Variants in DLC1 observed in about 807,000 individuals in gnomAD.
The protein encoded by DLC1 is rho GTPase-activating protein 7.
In DLC1, 54 loss-of-function variants were observed where a neutral mutation model predicts 140.3. The observed-to-expected ratio is 0.38, with a 90% confidence interval of 0.31 to 0.48. The LOEUF is 0.48. DLC1 is among the 20% of genes least tolerant of loss of function. The probability of loss-of-function intolerance (pLI) is 0.96; values close to 1 mark genes in which losing one functional copy is unlikely to be tolerated. For missense variants in DLC1, 2,536 were observed against 1,907.0 expected, an observed-to-expected ratio of 1.33 and a Z score of -6.14; for synonymous variants, 986 against 728.1, an observed-to-expected ratio of 1.35 and a Z score of -5.70.
At chr8:13,514,062 A>G (rs1405618629) in intron 1 of DLC1, among the ~76,000 whole-genome samples, 1 of 152,014 alleles carries the variant, frequency 6.6e-6, no homozygotes, top group Non-Finnish European at 1.5e-5. Flanking sequence ...GAACCTTTTA[A>G]GCTGTACAGG....
chr8:13,139,139 A>G (rs1281296331), intron 5 of DLC1, among the ~76,000 whole-genome samples: 1 of 151,728 alleles, frequency 6.6e-6, no homozygotes, highest in Non-Finnish European at 1.5e-5. Context: ...AAAATAAAAA[A>G]ACAATTAGCT....
chr8:13,162,090 T>C (rs1415992490), intron 5 of DLC1, among the ~76,000 whole-genome samples: 2 of 152,228 alleles, frequency 1.3e-5, no homozygotes, highest in African/African-American at 2.4e-5. Context: ...TAAGAATTTA[T>C]AGCAGAAAGG....
At chr8:13,542,923 T>G (rs914454360) in intron 1 of DLC1, among the ~76,000 whole-genome samples, 1 of 152,160 alleles carries the variant, frequency 6.6e-6, no homozygotes. Flanking sequence ...GAAGATAGTT[T>G]TATTTCAGTA....
chr8:13,331,161 G>A (rs1450529428), intron 4 of DLC1, among the ~76,000 whole-genome samples: 1 of 152,152 alleles, frequency 6.6e-6, no homozygotes, highest in Non-Finnish European at 1.5e-5. Context: ...GTTTTACTGG[G>A]ACACTATACA....
intron 1 of DLC1, among the ~76,000 whole-genome samples, chr8:13,604,380 C>T (rs955512648): frequency 2.0e-5 from 3 of 152,130 alleles, no homozygotes; most frequent in Non-Finnish European, 2.9e-5. Context: ...TATTTAGTCA[C>T]AGACATTTTT....
chr8:13,250,377 T>A (rs1310165239), intron 5 of DLC1, among the ~76,000 whole-genome samples: 2 of 152,162 alleles, frequency 1.3e-5, no homozygotes, highest in African/African-American at 4.8e-5. Flanking sequence ...ACAGTATCAT[T>A]TCTTCACTCC....
rs1379351977 is a variant in DLC1 at position 13,084,425 on chromosome 8, C to A, written c.*1386G>T. ...ACATTATTCACTTTTGATCCATACACAATAAATTTACTAATACTGTCTCTT... is the reference window on the plus strand; with the variant it reads ...ACATTATTCACTTTTGATCCATACAAAATAAATTTACTAATACTGTCTCTT... On this transcript the variant is annotated 3_prime_UTR_variant, in exon 18 of 18. Transcript: ENST00000276297. The A allele has an allele frequency of 2.0e-5, 3 of 152,528 alleles. No individual in the cohort carries two copies. The highest frequency in any genetic ancestry group is 4.8e-5 in the African/African-American group (2 of 41,406). The allele number at this position is 152,528 out of a possible 1,614,324, so 9.4% of individuals were successfully genotyped here.
At chr8:13,582,719 C>T (rs2117448924) in intron 1 of DLC1, among the ~76,000 whole-genome samples, 1 of 150,920 alleles carries the variant, frequency 6.6e-6, no homozygotes, top group African/African-American at 2.4e-5. Flanking sequence ...TCATTCTGTC[C>T]CTCTAGAGAA....
chr8:13,192,619 A>C (rs1005923813), intron 5 of DLC1, among the ~76,000 whole-genome samples: 1 of 152,154 alleles, frequency 6.6e-6, no homozygotes, highest in Non-Finnish European at 1.5e-5. Flanking sequence ...GAATTGTAGC[A>C]CTCAAAGTTC....
At chr8:13,279,622 A>G (rs993269428) in intron 5 of DLC1, among the ~76,000 whole-genome samples, 4 of 152,182 alleles carry the variant, frequency 2.6e-5, no homozygotes, top group Middle Eastern at 3.2e-3. Flanking sequence ...CATTTCTGAC[A>G]ACTCATTAAG....
intron 2 of DLC1, among the ~76,000 whole-genome samples, chr8:13,480,853 G>C (rs1470792404): frequency 6.6e-6 from 1 of 152,172 alleles, no homozygotes; most frequent in Non-Finnish European, 1.5e-5. Context: ...GCAGTCAGCT[G>C]AGATCACGCC....
At chr8:13,478,922 C>A (rs563860334) in intron 2 of DLC1, among the ~76,000 whole-genome samples, 1 of 152,208 alleles carries the variant, frequency 6.6e-6, no homozygotes, top group Non-Finnish European at 1.5e-5. Flanking sequence ...GGCCTGTTGG[C>A]CTCCTGTTAT....
intron 1 of DLC1, among the ~76,000 whole-genome samples, chr8:13,509,688 G>A (rs1054695537): frequency 2.0e-5 from 3 of 150,794 alleles, no homozygotes; most frequent in Non-Finnish European, 2.9e-5. Context: ...TACCATTATT[G>A]CTCTAATTAA....
intron 10 of DLC1, among the ~76,000 whole-genome samples, chr8:13,097,129 A>AT (rs991278896): frequency 1.3e-5 from 2 of 152,168 alleles, no homozygotes; most frequent in African/African-American, 2.4e-5. Flanking sequence ...ATTTGAGTCT[A>AT]TAATATGTTA....
intron 2 of DLC1, among the ~76,000 whole-genome samples, chr8:13,474,361 G>A (rs1032617736): frequency 2.6e-5 from 4 of 152,226 alleles, no homozygotes; most frequent in Non-Finnish European, 4.4e-5. Context: ...GAAACACCTG[G>A]ATGTCCAGGA....
intron 5 of DLC1, among the ~76,000 whole-genome samples, chr8:13,211,877 C>A (rs2117110808): frequency 6.6e-6 from 1 of 152,194 alleles, no homozygotes; most frequent in Non-Finnish European, 1.5e-5. Context: ...GAAATCCTGG[C>A]AGGTAAAATA....
At chr8:13,571,628 T>C (rs547155310) in intron 1 of DLC1, among the ~76,000 whole-genome samples, 1 of 152,296 alleles carries the variant, frequency 6.6e-6, no homozygotes, top group South Asian at 2.1e-4. Context: ...CTTGCATTGC[T>C]CCCACTTTTT....
chr8:13,430,745 G>A (rs1044349352), intron 2 of DLC1, among the ~76,000 whole-genome samples: 2 of 151,944 alleles, frequency 1.3e-5, no homozygotes, highest in African/African-American at 2.4e-5. Context: ...TTTATTTCTT[G>A]GTTAAAATTC....
intron 2 of DLC1, among the ~76,000 whole-genome samples, chr8:13,405,110 T>C (rs1443155889): frequency 3.9e-5 from 6 of 152,164 alleles, no homozygotes; most frequent in Non-Finnish European, 8.8e-5. Context: ...TTTATGTTTG[T>C]AAACTTCTTT....
Sources: allele counts gnomAD v4.1 joint callset (sites outside exome capture counted in the v4.1 genomes callset), GRCh38; gene constraint gnomAD v4.1.1; transcripts MANE v1.5; gene names NCBI Gene and HGNC (gene_info 2026-07-23, HGNC 2026-07-21).